Variants in LYPD6 observed in about 807,000 individuals in gnomAD.
The protein encoded by LYPD6 is ly6/PLAUR domain-containing protein 6.
Under a neutral mutation model 22.7 loss-of-function variants are expected in LYPD6, and 15 were observed. The observed-to-expected ratio is 0.66, with a 90% confidence interval of 0.44 to 1.02. The LOEUF (loss-of-function observed/expected upper bound fraction) is 1.02. Ranked by LOEUF, LYPD6 falls within the 50% of genes least tolerant of loss-of-function variation. The probability of loss-of-function intolerance (pLI) is 0.00; values close to 1 mark genes in which losing one functional copy is unlikely to be tolerated. For synonymous variants in LYPD6, 72 were observed against 77.5 expected (o/e 0.93, Z 0.37); for missense variants, 189 against 208.4 (o/e 0.91, Z 0.57).
intron 1 of LYPD6, among the ~76,000 whole-genome samples, chr2:149,381,212 G>A (rs1393615106): frequency 1.3e-5 from 2 of 152,170 alleles, no homozygotes; most frequent in Non-Finnish European, 2.9e-5. Context: ...CCTTATAGGG[G>A]AACTTCAGTC....
chr2:149,439,408 G>C (rs1683507196), intron 2 of LYPD6, among the ~76,000 whole-genome samples: 1 of 152,102 alleles, frequency 6.6e-6, no homozygotes, highest in Non-Finnish European at 1.5e-5. Flanking sequence ...CTCCAAGCAG[G>C]CATGCTACTT....
chr2:149,364,492 T>C (rs72863908), intron 1 of LYPD6, among the ~76,000 whole-genome samples: 1,946 of 152,244 alleles, frequency 0.013, 24 homozygotes, highest in South Asian at 0.033. Flanking sequence ...TTATTGTTTC[T>C]TTTGTTTACT....
At chr2:149,354,091 C>T (rs1244583463) in intron 1 of LYPD6, among the ~76,000 whole-genome samples, 1 of 152,284 alleles carries the variant, frequency 6.6e-6, no homozygotes, top group South Asian at 2.1e-4. Flanking sequence ...TTCACCTGTC[C>T]TTCCTCCCGC....
chr2:149,346,316 A>G (rs1490810730), intron 1 of LYPD6, among the ~76,000 whole-genome samples: 1 of 152,204 alleles, frequency 6.6e-6, no homozygotes, highest in Non-Finnish European at 1.5e-5. Flanking sequence ...CAGATTTCAC[A>G]AAGCTGAACA....
At position 149,362,471 on chromosome 2, in the gene LYPD6, T is replaced by C. The variant is rs191288746; in HGVS notation, c.-72+31749T>C. 6.8e-4 allele frequency among the ~76,000 whole-genome samples: 103 copies of C among 152,180 alleles called. 1 individual carries two copies. Among genetic ancestry groups the C allele is most frequent in the Non-Finnish European group, 7.2e-4 (49 of 68,000 alleles). ...AGGGTATAATGTAATAGGAATAAATTGAGGAGAACTTAGAAAGGTCTGTTT... is the reference window on the plus strand; with the variant it reads ...AGGGTATAATGTAATAGGAATAAATCGAGGAGAACTTAGAAAGGTCTGTTT... On this transcript the variant is annotated intron_variant, in intron 1 of 4. Coordinates refer to ENST00000334166, the MANE Select transcript of LYPD6 (RefSeq NM_194317.5).
rs1415473985 is a variant in LYPD6 at position 149,336,606 on chromosome 2, CTATT to C, written c.-72+5886_-72+5889del. Among the ~76,000 whole-genome samples the C allele has an allele frequency of 4.6e-5, 7 of 152,150 alleles. No individual in the cohort carries two copies. In the East Asian group the frequency reaches 9.6e-4, roughly 21 times the overall value. ...ATAAGTTTATATAAATAAACCCTCT[CTATT>C]TGTTCATCTGTGTGGAAAGAAATAC... On this transcript the variant is annotated intron_variant, in intron 1 of 4. Coordinates refer to ENST00000334166, the MANE Select transcript of LYPD6 (RefSeq NM_194317.5).
chr2:149,481,498 T>C, the LYPD6 span, among the ~76,000 whole-genome samples: 1 of 152,208 alleles, frequency 6.6e-6, no homozygotes, highest in African/African-American at 2.4e-5. Flanking sequence ...AACACTGTTA[T>C]GAACAAATTT....
At chr2:149,345,866 C>T (rs1219221804) in intron 1 of LYPD6, among the ~76,000 whole-genome samples, 3 of 152,120 alleles carry the variant, frequency 2.0e-5, no homozygotes, top group African/African-American at 7.2e-5. Flanking sequence ...TCTGAGGTCT[C>T]GTAGGTCTGT....
At chr2:149,446,984 T>G (rs1380946439) in intron 2 of LYPD6, among the ~76,000 whole-genome samples, 1 of 152,212 alleles carries the variant, frequency 6.6e-6, no homozygotes, top group South Asian at 2.1e-4. Context: ...AGATGATTAT[T>G]TCCGCCAGTG....
chr2:149,471,014 T>A lies in LYPD6; in HGVS notation c.*164T>A, dbSNP rs1394803294. On this transcript the variant is annotated 3_prime_UTR_variant, in exon 5 of 5. Coordinates refer to ENST00000334166, the MANE Select transcript of LYPD6 (RefSeq NM_194317.5). ...CTTACCATGAGGAATAAATGTTGCT[T>A]CATTGTAGCCATTTTGAGTCTAACC... 11 of 596,714 alleles carry A rather than the reference T, an allele frequency of 1.8e-5. No homozygotes were observed. 37.0% of individuals were successfully genotyped at this position (596,714 alleles called of 1,614,324 possible).
At chr2:149,364,508 G>C (rs1322552247) in intron 1 of LYPD6, among the ~76,000 whole-genome samples, 3 of 149,970 alleles carry the variant, frequency 2.0e-5, no homozygotes, top group Non-Finnish European at 4.4e-5. Flanking sequence ...TTACTTGTCA[G>C]ATATTCCCGC....
At chr2:149,431,864 T>C (rs1281010174) in intron 1 of LYPD6, among the ~76,000 whole-genome samples, 1 of 152,162 alleles carries the variant, frequency 6.6e-6, no homozygotes, top group African/African-American at 2.4e-5. Context: ...AACATTTATC[T>C]GAAAAGGATC....
intron 1 of LYPD6, among the ~76,000 whole-genome samples, chr2:149,428,594 C>G (rs1217689641): frequency 1.3e-5 from 2 of 152,142 alleles, no homozygotes; most frequent in African/African-American, 4.8e-5. Flanking sequence ...TTCAGGAAGA[C>G]TTCTAATTGG....
At chr2:149,374,712 A>G (rs1335765447) in intron 1 of LYPD6, among the ~76,000 whole-genome samples, 1 of 152,184 alleles carries the variant, frequency 6.6e-6, no homozygotes, top group African/African-American at 2.4e-5. Flanking sequence ...TGGTGTCAAC[A>G]GGGAGGGTTA....
At chr2:149,348,294 AG>A (rs1240013998) in intron 1 of LYPD6, among the ~76,000 whole-genome samples, 1 of 152,188 alleles carries the variant, frequency 6.6e-6, no homozygotes, top group Non-Finnish European at 1.5e-5. Context: ...ACAGGAATAG[AG>A]GCAGAAAATA....
intron 1 of LYPD6, among the ~76,000 whole-genome samples, chr2:149,427,291 G>A (rs1361008775): frequency 6.6e-6 from 1 of 152,016 alleles, no homozygotes; most frequent in Non-Finnish European, 1.5e-5. Context: ...AATATCTCTA[G>A]GGTAAAAATT....
chr2:149,483,246 C>T, the LYPD6 span, among the ~76,000 whole-genome samples: 2 of 152,182 alleles, frequency 1.3e-5, no homozygotes, highest in Non-Finnish European at 2.9e-5. Flanking sequence ...AACCTTTGAC[C>T]AGGGAACTTC....
chr2:149,466,052 T>C (rs1681193283), intron 3 of LYPD6, among the ~76,000 whole-genome samples: 1 of 152,172 alleles, frequency 6.6e-6, no homozygotes, highest in Non-Finnish European at 1.5e-5. Context: ...CAAGGAGTTT[T>C]CAAAATGCAT....
At chr2:149,431,442 A>C (rs1229312959) in intron 1 of LYPD6, among the ~76,000 whole-genome samples, 2 of 152,222 alleles carry the variant, frequency 1.3e-5, no homozygotes, top group Non-Finnish European at 2.9e-5. Flanking sequence ...GAAAAGATAC[A>C]TCCCCTGAGC....
Sources: allele counts gnomAD v4.1 joint callset (sites outside exome capture counted in the v4.1 genomes callset), GRCh38; gene constraint gnomAD v4.1.1; transcripts MANE v1.5; gene names NCBI Gene and HGNC (gene_info 2026-07-23, HGNC 2026-07-21).